MICU1: variants seen among roughly 807,000 people sequenced by gnomAD.
MICU1 encodes calcium uptake protein 1, mitochondrial.
A neutral mutation model predicts 56.8 loss-of-function variants in MICU1; 45 were observed. The observed-to-expected ratio is 0.79, with a 90% CI of 0.62 to 1.02. MICU1 has a LOEUF of 1.02. MICU1 is among the 50% of genes least tolerant of loss of function. The probability of loss-of-function intolerance (pLI) is 0.00; values close to 1 mark genes in which losing one functional copy is unlikely to be tolerated. For synonymous variants in MICU1, 186 were observed against 195.1 expected, an observed-to-expected ratio of 0.95 and a Z score of 0.39; for missense variants, 504 against 587.1, an observed-to-expected ratio of 0.86 and a Z score of 1.46.
intron 3 of MICU1, among the ~76,000 whole-genome samples, chr10:72,562,194 C>T (rs1376116720): frequency 9.0e-6 from 1 of 111,518 alleles, no homozygotes; most frequent in African/African-American, 3.0e-5. Flanking sequence ...TGCTTTGCCG[C>T]CCAGGCTGAA....
chr10:72,408,177 A>G (rs1420423119), intron 9 of MICU1, 140 bp from the exon 10 acceptor site: 3 of 578,670 alleles, frequency 5.2e-6, no homozygotes, highest in Admixed American at 6.7e-5. Flanking sequence ...GTCAAGGAAT[A>G]TCAAATTCAT....
intron 5 of MICU1, chr10:72,533,056 T>C (rs191532449): frequency 3.9e-6 from 5 of 1,289,606 alleles, no homozygotes; most frequent in East Asian, 5.5e-5. Context: ...TGTAGAACCA[T>C]GCCTGGTTCT....
chr10:72,612,011 CAAAAAA>C (rs55767300), intron 1 of MICU1, among the ~76,000 whole-genome samples: 2 of 119,964 alleles, frequency 1.7e-5, no homozygotes, highest in Non-Finnish European at 3.4e-5. Context: ...ACCAACCAAC[CAAAAAA>C]AAAAAAAAAA....
At chr10:72,534,034 T>C (rs542942120) in intron 4 of MICU1, among the ~76,000 whole-genome samples, 40 of 152,224 alleles carry the variant, frequency 2.6e-4, no homozygotes, top group Non-Finnish European at 4.4e-4. Context: ...TGCAAACCTA[T>C]TCAACAGTAG....
chr10:72,612,289 A>AC (rs1162545899), intron 1 of MICU1, among the ~76,000 whole-genome samples: 3 of 151,980 alleles, frequency 2.0e-5, no homozygotes, highest in Non-Finnish European at 4.4e-5. Flanking sequence ...TAACCAAAAA[A>AC]AAAAAATGAC....
intron 9 of MICU1, among the ~76,000 whole-genome samples, chr10:72,414,300 T>G (rs1395540114): frequency 6.6e-6 from 1 of 151,970 alleles, no homozygotes; most frequent in African/African-American, 2.4e-5. Context: ...AATAATAAAC[T>G]ATTAATATAA....
At chr10:72,509,634 A>C (rs1018314088) in intron 5 of MICU1, among the ~76,000 whole-genome samples, 6 of 152,232 alleles carry the variant, frequency 3.9e-5, no homozygotes, top group Non-Finnish European at 7.3e-5. Flanking sequence ...TGGCGCTTCT[A>C]CTTAGAAGAA....
At chr10:72,549,883 T>C (rs185315128) in intron 4 of MICU1, among the ~76,000 whole-genome samples, 208 of 143,836 alleles carry the variant, frequency 1.4e-3, no homozygotes, top group Non-Finnish European at 2.4e-3. Context: ...TGAGCTGAGA[T>C]TGCGCCATTG....
intron 9 of MICU1, among the ~76,000 whole-genome samples, chr10:72,412,303 G>A (rs1341196969): frequency 6.6e-6 from 1 of 152,178 alleles, no homozygotes; most frequent in African/African-American, 2.4e-5. Context: ...TCTATTGGCA[G>A]GTGACTAGAA....
intron 7 of MICU1, chr10:72,475,733 A>G (rs1319850141): frequency 9.9e-6 from 4 of 404,694 alleles, no homozygotes; most frequent in African/African-American, 4.2e-5. Context: ...CCAGCCTACA[A>G]TAATCTTATA....
intron 8 of MICU1, among the ~76,000 whole-genome samples, chr10:72,464,859 A>G (rs1367732316): frequency 6.6e-6 from 1 of 152,230 alleles, no homozygotes; most frequent in Non-Finnish European, 1.5e-5. Context: ...TTCTCATTAA[A>G]CTGGCTCACC....
chr10:72,420,066 C>T (rs1160333066), intron 9 of MICU1, among the ~76,000 whole-genome samples: 2 of 152,092 alleles, frequency 1.3e-5, no homozygotes, highest in Non-Finnish European at 1.5e-5. Flanking sequence ...CGTGTCTTTT[C>T]CTTTTTTTTT....
At chr10:72,484,179 T>C (rs1866390166) in intron 6 of MICU1, among the ~76,000 whole-genome samples, 2 of 152,170 alleles carry the variant, frequency 1.3e-5, no homozygotes, top group South Asian at 4.1e-4. Context: ...AAATATCTAG[T>C]TTCCCATATG....
At chr10:72,581,198 T>TA (rs777089520) in intron 1 of MICU1, among the ~76,000 whole-genome samples, 8 of 152,240 alleles carry the variant, frequency 5.3e-5, no homozygotes, top group African/African-American at 9.6e-5. Context: ...CAAATGCATT[T>TA]ATTTCACTGA....
intron 10 of MICU1, among the ~76,000 whole-genome samples, chr10:72,391,198 A>C (rs1005472854): frequency 2.0e-5 from 3 of 152,366 alleles, no homozygotes; most frequent in East Asian, 3.9e-4. Flanking sequence ...CTGGGAGGCC[A>C]AGGCGGGTGG....
intron 10 of MICU1, among the ~76,000 whole-genome samples, chr10:72,394,994 C>A (rs1370493006): frequency 6.6e-6 from 1 of 151,970 alleles, no homozygotes; most frequent in African/African-American, 2.4e-5. Context: ...TCCTGGCTAA[C>A]ATGGTGAAAC....
At chr10:72,370,117 TCCGCC>T in intron 11 of MICU1, among the ~76,000 whole-genome samples, 1 of 152,150 alleles carries the variant, frequency 6.6e-6, no homozygotes, top group South Asian at 2.1e-4. Context: ...GACCTCATGA[TCCGCC>T]CACCTTGGCC....
At chr10:72,416,932 G>A (rs1221755557) in intron 9 of MICU1, among the ~76,000 whole-genome samples, 6 of 152,290 alleles carry the variant, frequency 3.9e-5, no homozygotes, top group African/African-American at 1.2e-4. Flanking sequence ...TCAAAGCTAA[G>A]TGAGTTACCT....
chr10:72,367,836 A>T lies in MICU1; in HGVS notation c.*359T>A, dbSNP rs1351291356. On this transcript the variant is annotated 3_prime_UTR_variant, in exon 12 of 12. Coordinates refer to ENST00000361114, the MANE Select transcript of MICU1 (RefSeq NM_001195518.2). ...AATGTTCTTGTTAGTATAAATCCAT[A>T]GCAAAAACGATTTGAGAACTGGATG... is the stretch of plus-strand genomic sequence containing the variant. 1 of 203,062 alleles carries T rather than the reference A, an allele frequency of 4.9e-6. No homozygotes were observed. The highest frequency in any genetic ancestry group is 1.0e-5 in the Non-Finnish European group (1 of 99,778). The allele number at this position is 203,062 out of a possible 1,614,324, so 12.6% of individuals were successfully genotyped here. A position where few individuals can be genotyped will look rare whatever the true frequency, so the allele number is the denominator to read the frequency against.
Sources: allele counts gnomAD v4.1 joint callset (sites outside exome capture counted in the v4.1 genomes callset), GRCh38; gene constraint gnomAD v4.1.1; transcripts MANE v1.5; gene names NCBI Gene and HGNC (gene_info 2026-07-23, HGNC 2026-07-21).